The following LGSN variants were observed in gnomAD, a reference collection of about 807,000 sequenced individuals.
LGSN encodes the protein lengsin.
Under a neutral mutation model 19.5 loss-of-function variants are expected in LGSN, and 21 were observed. That is an observed-to-expected ratio of 1.07 (90% CI 0.76 to 1.55). The LOEUF (loss-of-function observed/expected upper bound fraction) is 1.55, where lower values mean the gene tolerates loss of function less well. LGSN is among the 40% of genes most tolerant of loss of function. The pLI is 0.00. For synonymous variants in LGSN, 257 were observed against 215.6 expected (o/e 1.19, Z -1.68); for missense variants, 673 against 608.5 (o/e 1.11, Z -1.12).
chr6:63,339,718 G>A, the LGSN span, among the ~76,000 whole-genome samples: 5 of 152,016 alleles, frequency 3.3e-5, no homozygotes, highest in Non-Finnish European at 7.4e-5. Flanking sequence ...CTGTCATTAT[G>A]TTGTTTTCTG....
chr6:63,328,433 T>A, the LGSN span, among the ~76,000 whole-genome samples: 1 of 152,192 alleles, frequency 6.6e-6, no homozygotes, highest in Non-Finnish European at 1.5e-5. Flanking sequence ...TCTAAGTAGG[T>A]TGTTGTCTGA....
chr6:63,412,148 C>T, the LGSN span, among the ~76,000 whole-genome samples: 1 of 152,038 alleles, frequency 6.6e-6, no homozygotes, highest in African/African-American at 2.4e-5. Flanking sequence ...GGGCAGATCA[C>T]TTGAGGTCAG....
chr6:63,352,308 T>C, the LGSN span, among the ~76,000 whole-genome samples: 1 of 152,212 alleles, frequency 6.6e-6, no homozygotes, highest in Non-Finnish European at 1.5e-5. Context: ...GTATTCTTTC[T>C]ATTTTGGAAT....
chr6:63,379,280 C>A, the LGSN span, among the ~76,000 whole-genome samples: 4 of 151,954 alleles, frequency 2.6e-5, no homozygotes, highest in South Asian at 2.1e-4. Context: ...TAAACAGAAC[C>A]AAGAGAAGGG....
chr6:63,328,264 G>T, the LGSN span, among the ~76,000 whole-genome samples: 1 of 152,132 alleles, frequency 6.6e-6, no homozygotes, highest in Non-Finnish European at 1.5e-5. Flanking sequence ...TAGTTAAGGG[G>T]ACTTCTAAGA....
chr6:63,456,557 T>G, the LGSN span, among the ~76,000 whole-genome samples: 3 of 151,642 alleles, frequency 2.0e-5, no homozygotes, highest in Non-Finnish European at 4.4e-5. Context: ...TTGTTCAGGT[T>G]GACAGTTATT....
At chr6:63,368,095 T>G in the LGSN span, among the ~76,000 whole-genome samples, 166 of 137,270 alleles carry the variant, frequency 1.2e-3, 1 homozygote, top group African/African-American at 3.9e-3. Flanking sequence ...TATAAAAAAA[T>G]AAAAAAGAAA....
At chr6:63,509,891 A>T in the LGSN span, among the ~76,000 whole-genome samples, 4 of 152,160 alleles carry the variant, frequency 2.6e-5, no homozygotes, top group Admixed American at 6.5e-5. Flanking sequence ...TTCCTCCCAC[A>T]CTGATAGTGC....
the LGSN span, among the ~76,000 whole-genome samples, chr6:63,337,241 T>C: frequency 2.6e-5 from 4 of 151,946 alleles, no homozygotes; most frequent in Non-Finnish European, 5.9e-5. Flanking sequence ...CTAAATGTAA[T>C]GTAGTTTCCT....
At chr6:63,530,637 G>A in the LGSN span, among the ~76,000 whole-genome samples, 11 of 152,058 alleles carry the variant, frequency 7.2e-5, no homozygotes, top group African/African-American at 2.7e-4. Flanking sequence ...TAGAAAAAAA[G>A]GAGAAGATAA....
At chr6:63,355,787 T>G in the LGSN span, among the ~76,000 whole-genome samples, 1 of 152,320 alleles carries the variant, frequency 6.6e-6, no homozygotes, top group African/African-American at 2.4e-5. Flanking sequence ...CAAGCAATTC[T>G]CCTGTCTCAG....
the LGSN span, among the ~76,000 whole-genome samples, chr6:63,519,912 A>T: frequency 1.3e-5 from 2 of 152,250 alleles, no homozygotes; most frequent in South Asian, 4.1e-4. Context: ...TATTTTGACA[A>T]ATGGACTTGA....
At chr6:63,463,461 G>A in the LGSN span, among the ~76,000 whole-genome samples, 4 of 151,972 alleles carry the variant, frequency 2.6e-5, no homozygotes, top group Admixed American at 6.6e-5. Context: ...TAAAATATTC[G>A]TATTTGAGAA....
chr6:63,383,628 T>G, the LGSN span, among the ~76,000 whole-genome samples: 2 of 152,082 alleles, frequency 1.3e-5, no homozygotes, highest in Non-Finnish European at 2.9e-5. Flanking sequence ...CTAAACTAAT[T>G]TTCTCAGATT....
At chr6:63,452,042 T>G in the LGSN span, among the ~76,000 whole-genome samples, 1 of 143,942 alleles carries the variant, frequency 6.9e-6, no homozygotes, top group African/African-American at 2.5e-5. Flanking sequence ...TATTAGAATT[T>G]TGTTTTCTTG....
the LGSN span, among the ~76,000 whole-genome samples, chr6:63,333,064 C>G: frequency 6.6e-6 from 1 of 151,814 alleles, no homozygotes; most frequent in African/African-American, 2.4e-5. Context: ...AAAGAGTGAG[C>G]AGTAGCAAGA....
At chr6:63,441,346 T>A in the LGSN span, 3 of 478,434 alleles carry the variant, frequency 6.3e-6, no homozygotes, top group Non-Finnish European at 8.4e-6. Flanking sequence ...CACCTGGCTC[T>A]CCTCAACAAC....
the LGSN span, among the ~76,000 whole-genome samples, chr6:63,524,594 T>C: frequency 6.6e-6 from 1 of 152,190 alleles, no homozygotes; most frequent in Admixed American, 6.5e-5. Context: ...TTTTTAAAAA[T>C]GTAAAAATAA....
At chr6:63,438,092 A>G in the LGSN span, among the ~76,000 whole-genome samples, 1 of 152,152 alleles carries the variant, frequency 6.6e-6, no homozygotes, top group Non-Finnish European at 1.5e-5. Context: ...CTTACACGGT[A>G]TGAGTATATA....
Sources: gnomAD v4.1 joint callset for allele counts (sites outside exome capture counted in the v4.1 genomes callset) on GRCh38, gnomAD v4.1.1 for gene constraint, MANE v1.5 for transcripts, NCBI Gene and HGNC (gene_info 2026-07-23, HGNC 2026-07-21) for gene names.